Variants in CCDC91 observed in about 807,000 individuals in gnomAD.
The protein encoded by CCDC91 is coiled-coil domain containing 91, also known as coiled-coil domain-containing protein 91.
CCDC91 carries 48 observed loss-of-function variants against 63.2 expected under a neutral mutation model. That is an observed-to-expected ratio of 0.76 (90% confidence interval 0.60 to 0.97). The LOEUF (loss-of-function observed/expected upper bound fraction) is 0.97. Among genes scored for constraint, CCDC91 ranks in the 50% least tolerant of loss-of-function variants. The pLI, the probability that CCDC91 is intolerant of heterozygous loss-of-function variation, is 0.00. For synonymous variants in CCDC91, 167 were observed against 165.8 expected (o/e 1.01, Z -0.06); for missense variants, 500 against 494.6 (o/e 1.01, Z -0.10).
chr12:28,360,421 C>T (rs1173638968), intron 6 of CCDC91, among the ~76,000 whole-genome samples: 6 of 152,042 alleles, frequency 3.9e-5, no homozygotes, highest in African/African-American at 7.3e-5. Flanking sequence ...CAGTCATTCA[C>T]GGTGGGTCAC....
intron 6 of CCDC91, among the ~76,000 whole-genome samples, chr12:28,323,147 G>A (rs1228562231): frequency 6.6e-6 from 1 of 151,082 alleles, no homozygotes; most frequent in Non-Finnish European, 1.5e-5. Context: ...AAATTTTTTA[G>A]TAATGGTGTA....
intron 12 of CCDC91, among the ~76,000 whole-genome samples, chr12:28,500,578 C>T (rs919446630): frequency 4.0e-5 from 6 of 151,686 alleles, no homozygotes; most frequent in Admixed American, 3.3e-4. Flanking sequence ...TCTCACTAGG[C>T]TCATACATAG....
intron 6 of CCDC91, among the ~76,000 whole-genome samples, chr12:28,334,056 G>GTGTATGTGTA (rs549994825): frequency 6.6e-6 from 1 of 151,960 alleles, no homozygotes; most frequent in African/African-American, 2.4e-5. Context: ...GTGTGTGTGT[G>GTGTATGTGTA]TGTGTATGTG....
Position 28,391,292 on chromosome 12 carries a change from G to T in CCDC91, c.655-12G>T, listed in dbSNP as rs751534079. ...TGTCTGTGATCCAAATGACTTTTTTGCTTGTTTTCAGGCACTACTGCAGTC... is the reference window on the plus strand; with the variant it reads ...TGTCTGTGATCCAAATGACTTTTTTTCTTGTTTTCAGGCACTACTGCAGTC... On this transcript the variant is annotated splice_polypyrimidine_tract_variant and intron_variant, in intron 7 of 12. Coordinates refer to ENST00000536442, the MANE Select transcript of CCDC91 (RefSeq NM_018318.5). The T allele has an allele frequency of 2.6e-6, 4 of 1,559,584 alleles. No homozygotes were observed. Among genetic ancestry groups the T allele is most frequent in the Non-Finnish European group, 2.6e-6 (3 of 1,136,034 alleles).
intron 11 of CCDC91, among the ~76,000 whole-genome samples, chr12:28,453,467 T>G (rs1226725026): frequency 6.6e-6 from 1 of 152,042 alleles, no homozygotes; most frequent in Non-Finnish European, 1.5e-5. Flanking sequence ...TATGACTCAT[T>G]AATCTTAATG....
intron 8 of CCDC91, among the ~76,000 whole-genome samples, chr12:28,448,099 G>A (rs1250655805): frequency 3.3e-5 from 5 of 152,034 alleles, no homozygotes; most frequent in African/African-American, 9.7e-5. Flanking sequence ...GTACTGGGCT[G>A]CTTTTAGTAT....
intron 8 of CCDC91, among the ~76,000 whole-genome samples, chr12:28,427,481 C>G (rs1019441182): frequency 6.6e-6 from 1 of 152,064 alleles, no homozygotes; most frequent in Non-Finnish European, 1.5e-5. Context: ...AGCAACTAAC[C>G]CCCCGACCCC....
intron 1 of CCDC91, among the ~76,000 whole-genome samples, chr12:28,226,354 C>T (rs1382286501): frequency 6.6e-6 from 1 of 152,132 alleles, no homozygotes; most frequent in African/African-American, 2.4e-5. Context: ...TTCCCAGTGA[C>T]GTCTTAAATT....
chr12:28,400,399 G>A (rs1233563922), intron 8 of CCDC91, among the ~76,000 whole-genome samples: 1 of 133,294 alleles, frequency 7.5e-6, no homozygotes, highest in Non-Finnish European at 1.5e-5. Context: ...TCCCCCCTAG[G>A]CCTCCAGGTC....
At chr12:28,311,628 A>G (rs556825779) in intron 6 of CCDC91, among the ~76,000 whole-genome samples, 64 of 152,186 alleles carry the variant, frequency 4.2e-4, no homozygotes, top group African/African-American at 1.5e-3. Flanking sequence ...GGCCTACACT[A>G]TGACTATTTA....
At chr12:28,342,785 G>T (rs944168329) in intron 6 of CCDC91, among the ~76,000 whole-genome samples, 6 of 152,140 alleles carry the variant, frequency 3.9e-5, no homozygotes, top group African/African-American at 1.4e-4. Context: ...GGTACATACA[G>T]ACTAGTGGAT....
intron 8 of CCDC91, among the ~76,000 whole-genome samples, chr12:28,423,002 C>G (rs558529288): frequency 6.6e-6 from 1 of 151,994 alleles, no homozygotes; most frequent in Admixed American, 6.6e-5. Flanking sequence ...TTATTAATCT[C>G]CCTCAATACA....
intron 7 of CCDC91, among the ~76,000 whole-genome samples, chr12:28,385,505 G>C (rs764911320): frequency 6.6e-6 from 1 of 152,002 alleles, no homozygotes; most frequent in African/African-American, 2.4e-5. Context: ...TTTGTTATAC[G>C]TTTTGCTTCC....
At chr12:28,385,246 T>C (rs1233033319) in intron 7 of CCDC91, among the ~76,000 whole-genome samples, 1 of 152,106 alleles carries the variant, frequency 6.6e-6, no homozygotes, top group Non-Finnish European at 1.5e-5. Flanking sequence ...ATTTTGTATA[T>C]ACTATTATCC....
chr12:28,532,051 G>GTGGGGA (rs1462623206), intron 12 of CCDC91, among the ~76,000 whole-genome samples: 1 of 152,112 alleles, frequency 6.6e-6, no homozygotes, highest in East Asian at 1.9e-4. Flanking sequence ...AATGTAGAGA[G>GTGGGGA]TGGGACCAAG....
chr12:28,354,587 C>T (rs1377956098), intron 6 of CCDC91, among the ~76,000 whole-genome samples: 1 of 152,074 alleles, frequency 6.6e-6, no homozygotes, highest in East Asian at 1.9e-4. Flanking sequence ...ATACTGTGGA[C>T]AGGAAAACAC....
At chr12:28,386,515 C>G (rs975663618) in intron 7 of CCDC91, among the ~76,000 whole-genome samples, 10 of 152,052 alleles carry the variant, frequency 6.6e-5, no homozygotes, top group Admixed American at 2.6e-4. Context: ...ATTACAGGTG[C>G]ACTCCACGAT....
chr12:28,402,624 A>G (rs1174611412), intron 8 of CCDC91, among the ~76,000 whole-genome samples: 2 of 144,228 alleles, frequency 1.4e-5, no homozygotes, highest in Non-Finnish European at 3.0e-5. Context: ...TTCTCAATCC[A>G]TATACCTTTT....
chr12:28,484,165 GGTAA>G lies in CCDC91; in HGVS notation c.1215+4_1215+7del, dbSNP rs746331970. The stretch of plus-strand genomic sequence containing the variant: ...TAGAGTATATAAAAGAACAGAAAAG[GGTAA>G]GTATCTCCTGAAGAGTTTTAATTTG... On this transcript the variant is annotated splice_donor_variant and splice_donor_region_variant and intron_variant, in intron 12 of 12. Transcript: ENST00000536442. LOFTEE classifies it high-confidence loss of function. 23 of 1,556,654 alleles carry G rather than the reference GGTAA, an allele frequency of 1.5e-5. No individual in the cohort carries two copies. Among genetic ancestry groups the G allele is most frequent in the East Asian group, 2.3e-5 (1 of 43,998 alleles).
Sources: allele counts gnomAD v4.1 joint callset (sites outside exome capture counted in the v4.1 genomes callset), GRCh38; gene constraint gnomAD v4.1.1; transcripts MANE v1.5; gene names NCBI Gene and HGNC (gene_info 2026-07-23, HGNC 2026-07-21).